Variants in GALNT14 observed in about 807,000 individuals in gnomAD.
GALNT14 encodes UDP-GalNAc:polypeptide N-acetylgalactosaminyltransferase 14.
Under a neutral mutation model 77.5 loss-of-function variants are expected in GALNT14, and 60 were observed. That is an observed-to-expected ratio of 0.77 (90% CI 0.63 to 0.96). The LOEUF (loss-of-function observed/expected upper bound fraction) is 0.96, where lower values mean the gene tolerates loss of function less well. GALNT14 is among the 40% of genes least tolerant of loss of function. The probability of loss-of-function intolerance (pLI) is 0.00; values close to 1 mark genes in which losing one functional copy is unlikely to be tolerated. For missense variants in GALNT14, 710 were observed against 731.0 expected, an observed-to-expected ratio of 0.97 and a Z score of 0.33; for synonymous variants, 280 against 281.7, an observed-to-expected ratio of 0.99 and a Z score of 0.06.
chr2:31,047,330 A>C (rs1247507321), intron 1 of GALNT14, among the ~76,000 whole-genome samples: 2 of 152,174 alleles, frequency 1.3e-5, no homozygotes, highest in Non-Finnish European at 2.9e-5. Context: ...GTGTGGCATC[A>C]TTCCCTGGGG....
At chr2:31,016,172 AG>A (rs1352811133) in intron 1 of GALNT14, among the ~76,000 whole-genome samples, 1 of 151,994 alleles carries the variant, frequency 6.6e-6, no homozygotes, top group East Asian at 1.9e-4. Context: ...GAACAGGGTT[AG>A]TTTCTCCTGA....
chr2:31,036,029 A>T (rs887537664), intron 1 of GALNT14, among the ~76,000 whole-genome samples: 1 of 152,236 alleles, frequency 6.6e-6, no homozygotes, highest in Non-Finnish European at 1.5e-5. Context: ...AAAAAACATA[A>T]TAAAGTGTGT....
At chr2:30,985,027 C>T (rs560568814) in intron 2 of GALNT14, among the ~76,000 whole-genome samples, 5 of 152,250 alleles carry the variant, frequency 3.3e-5, no homozygotes, top group Non-Finnish European at 5.9e-5. Flanking sequence ...TCCATTTCTC[C>T]CACTAGGCCA....
intron 1 of GALNT14, among the ~76,000 whole-genome samples, chr2:31,055,120 A>G (rs1674128819): frequency 6.6e-6 from 1 of 152,216 alleles, no homozygotes. Context: ...CTCTAGAGAA[A>G]GAGCAATTTA....
At chr2:31,061,026 T>C (rs1674556598) in intron 1 of GALNT14, among the ~76,000 whole-genome samples, 1 of 152,204 alleles carries the variant, frequency 6.6e-6, no homozygotes, top group African/African-American at 2.4e-5. Flanking sequence ...TCCTTTTTCA[T>C]TGTTGGTGTT....
intron 1 of GALNT14, among the ~76,000 whole-genome samples, chr2:31,061,058 T>G (rs1674558120): frequency 6.6e-6 from 1 of 152,166 alleles, no homozygotes; most frequent in Non-Finnish European, 1.5e-5. Flanking sequence ...ATTCAAGTGA[T>G]CCCTGGATCA....
At chr2:31,095,971 C>A (rs764446099) in intron 1 of GALNT14, among the ~76,000 whole-genome samples, 2 of 152,112 alleles carry the variant, frequency 1.3e-5, no homozygotes, top group African/African-American at 2.4e-5. Context: ...AGCAAGGGTG[C>A]GTTCCTTCTA....
At chr2:31,035,616 C>CACATACACA (rs768333997) in intron 1 of GALNT14, among the ~76,000 whole-genome samples, 20 of 37,866 alleles carry the variant, frequency 5.3e-4, no homozygotes, top group African/African-American at 2.6e-3. Context: ...CACACACACA[C>CACATACACA]CTACACACAC....
At chr2:30,915,823 G>A (rs1664643672) in intron 13 of GALNT14, among the ~76,000 whole-genome samples, 1 of 152,182 alleles carries the variant, frequency 6.6e-6, no homozygotes, top group Non-Finnish European at 1.5e-5. Flanking sequence ...GAGTGGGTAA[G>A]TTAAATGTTA....
rs1283665236 is a variant in GALNT14 at position 30,974,853 on chromosome 2, A to G, written c.300-8551T>C. On this transcript the variant is annotated intron_variant, in intron 2 of 14. Coordinates refer to ENST00000349752, the MANE Select transcript of GALNT14 (RefSeq NM_024572.4). Reference sequence around the variant, plus strand: ...TCAATACCCAGGATGATGACTAAACATACTAGACATACGATAAATGTCTGA... The same window carrying G: ...TCAATACCCAGGATGATGACTAAACGTACTAGACATACGATAAATGTCTGA... Among the ~76,000 whole-genome samples the G allele has an allele frequency of 2.0e-5, 3 of 152,236 alleles. No individual in the cohort carries two copies. The East Asian group carries it at 5.8e-4, about 29-fold the overall frequency.
the GALNT14 span, among the ~76,000 whole-genome samples, chr2:30,902,401 A>G: frequency 5.3e-5 from 8 of 152,178 alleles, no homozygotes; most frequent in Admixed American, 6.5e-5. Flanking sequence ...CAGGCACAGC[A>G]GCTCACATGA....
chr2:31,021,326 C>CA (rs1470689630), intron 1 of GALNT14, among the ~76,000 whole-genome samples: 3 of 151,758 alleles, frequency 2.0e-5, no homozygotes, highest in African/African-American at 7.3e-5. Context: ...TTTTTTGCGA[C>CA]AGAGTTTTGC....
At chr2:30,987,870 C>A (rs139648268) in intron 2 of GALNT14, among the ~76,000 whole-genome samples, 1 of 152,342 alleles carries the variant, frequency 6.6e-6, no homozygotes, top group Non-Finnish European at 1.5e-5. Flanking sequence ...TGTCCAAACG[C>A]ATCCTATAAA....
intron 5 of GALNT14, 54 bp from the exon 6 acceptor site, chr2:30,955,793 C>G: frequency 6.2e-7 from 1 of 1,610,246 alleles, no homozygotes. Context: ...CATTGTCCAG[C>G]GAGACCAGGG....
chr2:30,931,350 G>T (rs1665714584), intron 10 of GALNT14, among the ~76,000 whole-genome samples: 1 of 152,178 alleles, frequency 6.6e-6, no homozygotes, highest in Non-Finnish European at 1.5e-5. Context: ...GGGAAAGAGA[G>T]AGAATCAAGA....
chr2:30,942,627 C>T (rs1372561324), intron 8 of GALNT14, among the ~76,000 whole-genome samples: 1 of 152,122 alleles, frequency 6.6e-6, no homozygotes, highest in Non-Finnish European at 1.5e-5. Context: ...TTCCGATGAC[C>T]CAGGGAGCTT....
At chr2:31,121,476 C>A (rs1453364442) in intron 1 of GALNT14, among the ~76,000 whole-genome samples, 1 of 152,198 alleles carries the variant, frequency 6.6e-6, no homozygotes, top group Non-Finnish European at 1.5e-5. Context: ...TGAACAAAGT[C>A]CCCAGTGAGT....
intron 1 of GALNT14, among the ~76,000 whole-genome samples, chr2:31,036,832 C>G (rs1330152271): frequency 6.6e-6 from 1 of 152,186 alleles, no homozygotes; most frequent in African/African-American, 2.4e-5. Context: ...ACACTGCTTT[C>G]TGGCCTCCAA....
intron 1 of GALNT14, chr2:31,078,875 G>T: frequency 7.8e-7 from 1 of 1,280,540 alleles, no homozygotes; most frequent in Non-Finnish European, 1.0e-6. Context: ...GGGAAAGTAG[G>T]GCAAAGCAGG....
Sources: allele counts gnomAD v4.1 joint callset (sites outside exome capture counted in the v4.1 genomes callset), GRCh38; gene constraint gnomAD v4.1.1; transcripts MANE v1.5; gene names NCBI Gene and HGNC (gene_info 2026-07-23, HGNC 2026-07-21).